Variants in POLD3 observed in about 807,000 individuals in gnomAD.
POLD3 encodes the protein DNA polymerase delta subunit 3.
A neutral mutation model predicts 58.2 loss-of-function variants in POLD3; 19 were observed. The observed-to-expected ratio is 0.33, with a 90% CI of 0.23 to 0.48. The LOEUF is 0.48. Ranked by LOEUF, POLD3 falls within the 20% of genes least tolerant of loss-of-function variation. POLD3 has a pLI of 0.99. For synonymous variants in POLD3, 172 were observed against 193.5 expected (o/e 0.89, Z 0.92); for missense variants, 504 against 545.5 (o/e 0.92, Z 0.76).
rs145165103 is a variant in POLD3 at position 74,600,459 on chromosome 11, C to T, written c.117-4233C>T. ...TACAGGCGTGAGCCACCACACCTGG[C>T]GCTACTGAAATACAAAAATACTAAA... On this transcript the variant is annotated intron_variant, in intron 2 of 11. Coordinates refer to ENST00000263681, the MANE Select transcript of POLD3 (RefSeq NM_006591.3). Among the ~76,000 whole-genome samples, 1,492 of 151,750 alleles carry T rather than the reference C, an allele frequency of 9.8e-3. 29 individuals carry two copies. Among genetic ancestry groups the T allele is most frequent in the African/African-American group, 0.034 (1,399 of 41,444 alleles).
At chr11:74,636,415 C>T in intron 11 of POLD3, 140 bp downstream of exon 11, 1 of 749,228 alleles carries the variant, frequency 1.3e-6, no homozygotes. Context: ...TGCTGTTTGT[C>T]TATGGCATAC....
intron 4 of POLD3, among the ~76,000 whole-genome samples, chr11:74,664,247 TACCAAA>T (rs2033239387): frequency 6.6e-6 from 1 of 152,166 alleles, no homozygotes; most frequent in Non-Finnish European, 1.5e-5. Flanking sequence ...ACCATGCATC[TACCAAA>T]TGACCCAGCA....
In POLD3 at chr11:74,618,777, G is replaced by A. The variant is rs370291355; in HGVS notation, c.633G>A (p.Thr211=). The change falls in exon 6 of 12, where the codon ACG becomes ACA. Residue 211 remains threonine (T), a synonymous_variant. Coordinates refer to ENST00000263681, the MANE Select transcript of POLD3 (RefSeq NM_006591.3). ...AAACCCAAGAAACCAACAAGGAAAC[G>A]AAAACAGAGGCTAAAGAAGTAACAA... ...AAKTQETNKE[T]KTEAKEVTNA... 4.1e-5 allele frequency: 66 copies of A among 1,613,286 alleles called. No homozygotes were observed. The highest frequency in any genetic ancestry group is 5.4e-5 in the Non-Finnish European group (64 of 1,179,454).
chr11:74,619,914 A>G (rs2032199976), intron 6 of POLD3, 103 bp from the exon 7 acceptor site: 4 of 851,332 alleles, frequency 4.7e-6, no homozygotes, highest in Non-Finnish European at 8.1e-6. Flanking sequence ...TATAGAGACT[A>G]TACCATCGCA....
chr11:74,625,357 A>G (rs1432520112), intron 7 of POLD3, 51 bp from the exon 8 acceptor site: 3 of 1,424,620 alleles, frequency 2.1e-6, no homozygotes, highest in Non-Finnish European at 2.9e-6. Flanking sequence ...AGAATGATGT[A>G]TTAATATTGC....
At chr11:74,655,479 AAC>A (rs1333811067) in intron 4 of POLD3, among the ~76,000 whole-genome samples, 3 of 152,260 alleles carry the variant, frequency 2.0e-5, no homozygotes, top group African/African-American at 7.2e-5. Flanking sequence ...AGGAACATGT[AAC>A]ACATAATGGG....
intron 7 of POLD3, among the ~76,000 whole-genome samples, chr11:74,623,442 A>G (rs754381568): frequency 6.6e-6 from 1 of 152,162 alleles, no homozygotes; most frequent in African/African-American, 2.4e-5. Context: ...CTCAAAAAAT[A>G]TATAAATAAA....
intron 7 of POLD3, among the ~76,000 whole-genome samples, chr11:74,622,116 C>T (rs1445843997): frequency 6.8e-5 from 10 of 147,628 alleles, no homozygotes; most frequent in African/African-American, 1.0e-4. Context: ...TGAGAATATG[C>T]GGTGTTTGGT....
At chr11:74,626,779 A>G (rs895345045) in intron 8 of POLD3, among the ~76,000 whole-genome samples, 5 of 152,134 alleles carry the variant, frequency 3.3e-5, no homozygotes, top group East Asian at 1.9e-4. Context: ...TGGGTCAACA[A>G]TGGGCTGCAT....
At chr11:74,639,227 A>G (rs2032841489) in intron 11 of POLD3, among the ~76,000 whole-genome samples, 1 of 152,182 alleles carries the variant, frequency 6.6e-6, no homozygotes. Flanking sequence ...GAATCTGGCA[A>G]TCTATGTTTT....
chr11:74,636,404 A>G, intron 11 of POLD3, 129 bp downstream of exon 11: 2 of 822,456 alleles, frequency 2.4e-6, no homozygotes, highest in Non-Finnish European at 3.9e-6. Context: ...AGTGGTACTG[A>G]TGCTGTTTGT....
At chr11:74,614,432 C>T (rs564480725) in intron 5 of POLD3, among the ~76,000 whole-genome samples, 3 of 152,070 alleles carry the variant, frequency 2.0e-5, no homozygotes, top group Non-Finnish European at 2.9e-5. Context: ...TCAGTTTGGC[C>T]GGGCACAGTG....
In POLD3 at chr11:74,620,531, T is replaced by G. The variant is rs80194815; in HGVS notation, c.733+442T>G. Among the ~76,000 whole-genome samples, 1,509 of 152,314 alleles carry G rather than the reference T, an allele frequency of 9.9e-3. 11 individuals carry two copies. Among genetic ancestry groups the G allele is most frequent in the Non-Finnish European group, 0.015 (1,051 of 68,032 alleles). On this transcript the variant is annotated intron_variant, in intron 7 of 11. Coordinates refer to ENST00000263681, the MANE Select transcript of POLD3 (RefSeq NM_006591.3). ...AAATATTTTGCCTTTCTTCAGTTAT[T>G]TTTTGCAGATTACTCACAGTAATGA...
chr11:74,611,578 G>A lies in POLD3; in HGVS notation c.259+40G>A, dbSNP rs148051926. ...GACTTAGCAAGTTTTTCCTCTTATGGCATCAGTGTAGGTGCAATAAAAAAT... is the reference window on the plus strand; with the variant it reads ...GACTTAGCAAGTTTTTCCTCTTATGACATCAGTGTAGGTGCAATAAAAAAT... On this transcript the variant is annotated intron_variant, in intron 4 of 11. Coordinates refer to ENST00000263681, the MANE Select transcript of POLD3 (RefSeq NM_006591.3). 7.5e-6 allele frequency: 9 copies of A among 1,198,626 alleles called. No individual in the cohort carries two copies. The African/African-American group carries it at 9.1e-5, about 12-fold the overall frequency. 74.2% of individuals were successfully genotyped at this position (1,198,626 alleles called of 1,614,324 possible).
chr11:74,668,087 T>C (rs1443174314), intron 4 of POLD3, among the ~76,000 whole-genome samples: 1 of 152,228 alleles, frequency 6.6e-6, no homozygotes, highest in Admixed American at 6.5e-5. Context: ...CAAGTGTTAA[T>C]GTGGATGTGG....
At chr11:74,616,370 A>G (rs1342546671) in intron 5 of POLD3, among the ~76,000 whole-genome samples, 4 of 152,238 alleles carry the variant, frequency 2.6e-5, no homozygotes, top group African/African-American at 7.2e-5. Flanking sequence ...GTGCCGTGAC[A>G]TGAAGAGAGT....
intron 4 of POLD3, among the ~76,000 whole-genome samples, chr11:74,611,984 A>G (rs976502842): frequency 2.0e-5 from 3 of 152,198 alleles, no homozygotes; most frequent in African/African-American, 7.2e-5. Flanking sequence ...ACCCAATTCA[A>G]AGGAATTTAA....
chr11:74,622,502 T>A (rs538888062), intron 7 of POLD3, among the ~76,000 whole-genome samples: 12 of 152,320 alleles, frequency 7.9e-5, no homozygotes, highest in African/African-American at 2.6e-4. Context: ...TAAATATTAA[T>A]CTAAAAATTG....
At position 74,634,618 on chromosome 11, in the gene POLD3, T is replaced by G. The variant is rs764974013; in HGVS notation, c.1042T>G (p.Ser348Ala). ...PDSPGAYEAE[S>A]PSPPPPPSPP... Reference sequence around the variant, plus strand: ...CTCTCCTGGGGCTTATGAAGCTGAGTCACCATCCCCACCTCCTCCTCCGTC... The same window carrying G: ...CTCTCCTGGGGCTTATGAAGCTGAGGCACCATCCCCACCTCCTCCTCCGTC... The change falls in exon 10 of 12, where the codon TCA becomes GCA. Residue 348 changes from serine to alanine, a missense_variant. Coordinates refer to ENST00000263681, the MANE Select transcript of POLD3 (RefSeq NM_006591.3). The G allele has an allele frequency of 6.8e-6, 11 of 1,612,566 alleles. No individual in the cohort carries two copies. Among genetic ancestry groups the G allele is most frequent in the Non-Finnish European group, 9.3e-6 (11 of 1,178,668 alleles).
Sources: allele counts gnomAD v4.1 joint callset (sites outside exome capture counted in the v4.1 genomes callset), GRCh38; gene constraint gnomAD v4.1.1; transcripts MANE v1.5; gene names NCBI Gene and HGNC (gene_info 2026-07-23, HGNC 2026-07-21).